Variants in CDON observed in about 807,000 individuals in gnomAD.
CDON encodes the protein cell adhesion molecule-related/down-regulated by oncogenes.
A neutral mutation model predicts 120.9 loss-of-function variants in CDON; 73 were observed. The ratio of observed to expected loss-of-function variants is 0.60; its 90% CI spans 0.50 to 0.73. The LOEUF is 0.73. Ranked by LOEUF, CDON falls within the 30% of genes least tolerant of loss-of-function variation. CDON has a pLI of 0.00. For missense variants in CDON, 1,470 were observed against 1,587.3 expected (o/e 0.93, Z 1.26); for synonymous variants, 566 against 573.5 (o/e 0.99, Z 0.19).
chr11:125,994,816 T>C, intron 13 of CDON, 55 bp downstream of exon 13: 1 of 1,467,922 alleles, frequency 6.8e-7, no homozygotes, highest in Non-Finnish European at 9.5e-7. Flanking sequence ...GAATATTAAA[T>C]TGATTGTTAA....
chr11:125,995,830 G>A (rs986987445), intron 12 of CDON, among the ~76,000 whole-genome samples: 1 of 152,206 alleles, frequency 6.6e-6, no homozygotes, highest in Non-Finnish European at 1.5e-5. Context: ...TGCGCATGTT[G>A]CTTGTTTTGA....
intron 7 of CDON, among the ~76,000 whole-genome samples, chr11:126,012,710 A>T (rs1947343850): frequency 6.6e-6 from 1 of 152,122 alleles, no homozygotes; most frequent in South Asian, 2.1e-4. Context: ...CACCTGGCCA[A>T]GGCAACTGAT....
intron 1 of CDON, among the ~76,000 whole-genome samples, chr11:126,042,146 A>C (rs1591422565): frequency 6.6e-6 from 1 of 152,248 alleles, no homozygotes; most frequent in Middle Eastern, 3.4e-3. Context: ...GGCCTCCCAA[A>C]GTGCTGGGAT....
At position 125,957,023 on chromosome 11, in the gene CDON, A is replaced by G. The variant is rs61917811; in HGVS notation, c.*3919T>C. The G allele has an allele frequency of 3.5e-3, 844 of 238,100 alleles. 6 individuals carry two copies. Among genetic ancestry groups the G allele is most frequent in the Middle Eastern group, 8.5e-3 (4 of 472 alleles). The allele number at this position is 238,100 out of a possible 1,614,324, so 14.7% of individuals were successfully genotyped here. A position where few individuals can be genotyped will look rare whatever the true frequency, so the allele number is the denominator to read the frequency against. On this transcript the variant is annotated 3_prime_UTR_variant, in exon 20 of 20. Coordinates refer to ENST00000531738, the MANE Select transcript of CDON (RefSeq NM_001378964.1). ...TGTATTTTCTTAGGGCAGTAAAACA[A>G]AACGTTTTCACAAGGAGGCTAAATT...
chr11:126,023,201 C>T (rs1947687998), intron 2 of CDON, among the ~76,000 whole-genome samples, 200 bp downstream of exon 2: 3 of 151,974 alleles, frequency 2.0e-5, no homozygotes, highest in Admixed American at 1.3e-4. Context: ...GACAGGAAGG[C>T]CTGCTAATGC....
chr11:125,961,209 C>T (rs1308008310), intron 19 of CDON, 104 bp from the exon 20 acceptor site: 19 of 1,055,454 alleles, frequency 1.8e-5, no homozygotes, highest in East Asian at 5.1e-5. Context: ...GAAAGAAAAA[C>T]GAGCATAAAT....
intron 15 of CDON, among the ~76,000 whole-genome samples, chr11:125,987,475 G>C (rs629252): frequency 0.32 from 48,769 of 152,042 alleles, 8,874 homozygotes; most frequent in African/African-American, 0.5. Context: ...GATCTTCCAT[G>C]TAAACAGGCT....
At chr11:126,058,587 C>A (rs1948729138) in intron 1 of CDON, among the ~76,000 whole-genome samples, 2 of 152,178 alleles carry the variant, frequency 1.3e-5, no homozygotes, top group South Asian at 2.1e-4. Context: ...TACAACACGA[C>A]TTTACTTGGA....
chr11:125,970,217 C>T (rs1281651572), intron 18 of CDON, among the ~76,000 whole-genome samples: 1 of 148,742 alleles, frequency 6.7e-6, no homozygotes, highest in African/African-American at 2.5e-5. Flanking sequence ...GCTCTGTCGC[C>T]AGGCTGGAGT....
chr11:126,039,164 G>A (rs1242810710), intron 1 of CDON, among the ~76,000 whole-genome samples: 3 of 152,090 alleles, frequency 2.0e-5, no homozygotes, highest in Non-Finnish European at 2.9e-5. Context: ...CAAAAACTTG[G>A]GCATAAATCT....
At chr11:125,980,344 A>T (rs942743446) in intron 17 of CDON, among the ~76,000 whole-genome samples, 1 of 152,208 alleles carries the variant, frequency 6.6e-6, no homozygotes, top group Non-Finnish European at 1.5e-5. Context: ...TAACATTGTA[A>T]AATGTAAAAA....
intron 17 of CDON, among the ~76,000 whole-genome samples, chr11:125,979,366 A>G (rs1364815873): frequency 6.6e-6 from 1 of 152,250 alleles, no homozygotes; most frequent in African/African-American, 2.4e-5. Flanking sequence ...ATCGAGAGAA[A>G]GAACTCTCCT....
rs1417163338 is a variant in CDON, at chr11:126,015,287, A to G, written c.1152T>C (p.Asn384=). ...DVGMYQCVAD[N]GIGFMHSTGR... is the part of the protein sequence containing the mutation. ...CAGTAGAGTGCATAAATCCAATCCC[A>G]TTATCTGCTACACACTGATACATCC... Residue 384 remains asparagine, a synonymous_variant, in exon 7 of 20, where the codon AAT becomes AAC. Transcript: ENST00000531738. 1 of 1,614,096 alleles carries G rather than the reference A, an allele frequency of 6.2e-7. No individual in the cohort carries two copies. Among genetic ancestry groups the G allele is most frequent in the East Asian group, 2.2e-5 (1 of 44,868 alleles).
In CDON at chr11:126,017,125, T is replaced by C. The variant is rs770204204; in HGVS notation, c.891A>G (p.Gly297=). ...NYSCMAGNKS[G]DVKYVTYMVN... is the part of the protein sequence containing the mutation. Reference sequence around the variant, plus strand: ...CCATGTAAGTCACATATTTTACATCTCCAGACTTGTTTCCCGCCATGCAGG... The same window carrying C: ...CCATGTAAGTCACATATTTTACATCCCCAGACTTGTTTCCCGCCATGCAGG... Residue 297 remains glycine (G), a synonymous_variant, in exon 6 of 20, where the codon GGA becomes GGG. Transcript: ENST00000531738. 1.1e-4 allele frequency: 176 copies of C among 1,614,058 alleles called. 2 individuals are homozygous for C. Among genetic ancestry groups the C allele is most frequent in the Non-Finnish European group, 1.4e-4 (166 of 1,180,024 alleles).
chr11:125,975,028 C>T (rs1399331330), intron 18 of CDON, among the ~76,000 whole-genome samples: 3 of 152,174 alleles, frequency 2.0e-5, no homozygotes, highest in Non-Finnish European at 4.4e-5. Flanking sequence ...CCTCCCTTCC[C>T]TCCTGTGCAC....
chr11:125,970,568 T>G lies in CDON; in HGVS notation c.3356+7736A>C, dbSNP rs371555422. On this transcript the variant is annotated intron_variant, in intron 18 of 19. Coordinates refer to ENST00000531738, the MANE Select transcript of CDON (RefSeq NM_001378964.1). ...CTCTTATTTTCGGGAGCTTATCAGT[T>G]ACTACCTAAAGAACCCTGATGGCAC... is the stretch of plus-strand genomic sequence containing the variant. Among the ~76,000 whole-genome samples the G allele has an allele frequency of 5.3e-5, 8 of 152,294 alleles. No individual in the cohort carries two copies. The South Asian group carries it at 1.7e-3, about 32-fold the overall frequency.
At chr11:125,963,541 C>T (rs1007784719) in intron 18 of CDON, among the ~76,000 whole-genome samples, 2 of 152,214 alleles carry the variant, frequency 1.3e-5, no homozygotes, top group African/African-American at 4.8e-5. Context: ...AGCAGTTACA[C>T]TCGTTCAAGT....
chr11:126,041,099 GA>G (rs1286939814), intron 1 of CDON, among the ~76,000 whole-genome samples: 6 of 149,492 alleles, frequency 4.0e-5, no homozygotes, highest in Non-Finnish European at 8.9e-5. Flanking sequence ...TGAGGCAGGA[GA>G]ATCACTTGAA....
Position 126,019,775 on chromosome 11 carries a change from A to G in CDON, c.350-10T>C, listed in dbSNP as rs1024682956. ...CCAAAATCACCAAGAACTGAAATAT[A>G]TAAGGAAACAGATAAATAAATACAT... On this transcript the variant is annotated splice_polypyrimidine_tract_variant and intron_variant, in intron 3 of 19. Transcript: ENST00000531738. 6.2e-7 allele frequency: 1 copy of G among 1,605,896 alleles called. No individual in the cohort carries two copies. Among genetic ancestry groups the G allele is most frequent in the East Asian group, 2.2e-5 (1 of 44,840 alleles).
Sources: gnomAD v4.1 joint callset for allele counts (sites outside exome capture counted in the v4.1 genomes callset) on GRCh38, gnomAD v4.1.1 for gene constraint, MANE v1.5 for transcripts, NCBI Gene and HGNC (gene_info 2026-07-23, HGNC 2026-07-21) for gene names.